Variants in COA5 observed in about 807,000 individuals in gnomAD.
COA5 encodes the protein cytochrome c oxidase assembly factor 5.
COA5 carries 11 observed loss-of-function variants against 11.8 expected under a neutral mutation model. The observed-to-expected ratio is 0.93, with a 90% CI of 0.59 to 1.54. COA5 has a LOEUF of 1.54. Ranked by LOEUF, COA5 falls within the 40% of genes most tolerant of loss-of-function variation. The pLI, the probability that COA5 is intolerant of heterozygous loss-of-function variation, is 0.00. For synonymous variants in COA5, 38 were observed against 37.5 expected (o/e 1.01, Z -0.05); for missense variants, 87 against 89.2 (o/e 0.97, Z 0.10).
chr2:98,606,662 TTC>T (rs1700709390), intron 1 of COA5, among the ~76,000 whole-genome samples: 1 of 152,210 alleles, frequency 6.6e-6, no homozygotes, highest in South Asian at 2.1e-4. Context: ...CAGCTTGGAA[TTC>T]TCTGTGCTGC....
Position 98,606,393 on chromosome 2 carries a change from G to A in COA5, c.99+1914C>T, listed in dbSNP as rs1575225628. On this transcript the variant is annotated intron_variant, in intron 1 of 2. Transcript: ENST00000328709. Reference sequence around the variant, plus strand: ...AATGAATTTAACACAAACTGTATACGAACTTCCATCTAAAGAACTGCTTAT... The same window carrying A: ...AATGAATTTAACACAAACTGTATACAAACTTCCATCTAAAGAACTGCTTAT... Among the ~76,000 whole-genome samples the A allele has an allele frequency of 3.9e-5, 6 of 152,246 alleles. No individual in the cohort carries two copies. The South Asian group carries it at 1.2e-3, about 32-fold the overall frequency.
rs1407208579 is a variant in COA5, at chr2:98,608,291, C to A, written c.99+16G>T. The A allele has an allele frequency of 6.4e-7, 1 of 1,569,922 alleles. No homozygotes were observed. Among genetic ancestry groups the A allele is most frequent in the Non-Finnish European group, 8.6e-7 (1 of 1,156,878 alleles). ...GGACAGGGGTCGTCACCACCGGGAGCGCCCGGCCGCGCTACCTGGACCACA... is the reference window on the plus strand; with the variant it reads ...GGACAGGGGTCGTCACCACCGGGAGAGCCCGGCCGCGCTACCTGGACCACA... On this transcript the variant is annotated intron_variant, in intron 1 of 2. Transcript: ENST00000328709.
rs1406452844 is a variant in COA5 at position 98,604,104 on chromosome 2, T to C, written c.183+4A>G. 2 of 1,610,606 alleles carry C rather than the reference T, an allele frequency of 1.2e-6. No individual in the cohort carries two copies. The highest frequency in any genetic ancestry group is 4.5e-5 in the East Asian group (2 of 44,830). On this transcript the variant is annotated splice_donor_region_variant and intron_variant, in intron 2 of 2. Transcript: ENST00000328709. ...TAGGCTTTTAAAAATCTTTAACCAC[T>C]TACCACTGATCTTTTACACTCAAAA... is the stretch of plus-strand genomic sequence containing the variant.
chr2:98,603,694 C>T (rs565397134), intron 2 of COA5, among the ~76,000 whole-genome samples: 3 of 152,238 alleles, frequency 2.0e-5, no homozygotes, highest in South Asian at 4.1e-4. Context: ...ACAATCCATC[C>T]CTCCAAAATT....
intron 1 of COA5, chr2:98,604,881 T>C (rs539114002): frequency 6.6e-6 from 1 of 152,540 alleles, no homozygotes; most frequent in Admixed American, 6.5e-5. Context: ...TCTACCTCAG[T>C]GACTCTCAAA....
chr2:98,608,185 G>C, intron 1 of COA5, 122 bp downstream of exon 1: 3 of 727,338 alleles, frequency 4.1e-6, no homozygotes, highest in Non-Finnish European at 7.2e-6. Context: ...GTGAGCCCGA[G>C]CTGTGACCTA....
chr2:98,606,947 C>T (rs1700715245), intron 1 of COA5, among the ~76,000 whole-genome samples: 1 of 152,202 alleles, frequency 6.6e-6, no homozygotes, highest in Non-Finnish European at 1.5e-5. Context: ...CCCACAACCA[C>T]AACAGTTCCC....
chr2:98,606,608 C>G lies in COA5; in HGVS notation c.99+1699G>C, dbSNP rs112151333. On this transcript the variant is annotated intron_variant, in intron 1 of 2. Coordinates refer to ENST00000328709, the MANE Select transcript of COA5 (RefSeq NM_001008215.3). ...CAGTATTTGTTCCCTGAACTGGAGC[C>G]TGGCGCTCCGTACATGTTTGCTGTA... is the stretch of plus-strand genomic sequence containing the variant. Among the ~76,000 whole-genome samples the G allele has an allele frequency of 4.9e-3, 753 of 152,322 alleles. 7 individuals are homozygous for G. The highest frequency in any genetic ancestry group is 0.017 in the African/African-American group (720 of 41,576).
rs1468263963 is a variant in COA5, at chr2:98,600,656, A to AGAT, written c.*93_*95dup. The stretch of plus-strand genomic sequence containing the variant: ...GAGGGGAAATCTGGTCCAACCAAAC[A>AGAT]GATGTAGTAAAAAGTATGTTTCCTG... On this transcript the variant is annotated 3_prime_UTR_variant, in exon 3 of 3. Coordinates refer to ENST00000328709, the MANE Select transcript of COA5 (RefSeq NM_001008215.3). The AGAT allele has an allele frequency of 2.8e-6, 3 of 1,053,282 alleles. No individual in the cohort carries two copies. The highest frequency in any genetic ancestry group is 4.3e-6 in the Non-Finnish European group (3 of 691,072). The allele number at this position is 1,053,282 out of a possible 1,614,324, so 65.2% of individuals were successfully genotyped here. A position where few individuals can be genotyped will look rare whatever the true frequency, so the allele number is the denominator to read the frequency against.
At chr2:98,607,299 AG>A (rs1700720056) in intron 1 of COA5, among the ~76,000 whole-genome samples, 1 of 152,238 alleles carries the variant, frequency 6.6e-6, no homozygotes, top group African/African-American at 2.4e-5. Flanking sequence ...AAGGGGCAGA[AG>A]GGACACAGCC....
intron 1 of COA5, 131 bp downstream of exon 1, chr2:98,608,176 T>G (rs942865097): frequency 1.4e-6 from 1 of 702,006 alleles, no homozygotes; most frequent in African/African-American, 1.8e-5. Context: ...GCACGTTCAG[T>G]GAGCCCGAGC....
rs1016086244 is a variant in COA5 at position 98,608,470 on chromosome 2, G to A, written c.-65C>T. ...ACCGCAACACTTGCAACCGGGTCGG[G>A]AGCGAGCGAGGCCCCAGTCTCAGGG... On this transcript the variant is annotated 5_prime_UTR_variant, in exon 1 of 3. Transcript: ENST00000328709. 8 of 1,257,368 alleles carry A rather than the reference G, an allele frequency of 6.4e-6. No individual in the cohort carries two copies. The highest frequency in any genetic ancestry group is 2.5e-5 in the East Asian group (1 of 39,808). The allele number at this position is 1,257,368 out of a possible 1,614,324, so 77.9% of individuals were successfully genotyped here. A position where few individuals can be genotyped will look rare whatever the true frequency, so the allele number is the denominator to read the frequency against.
chr2:98,605,364 G>A (rs1575225325), intron 1 of COA5, among the ~76,000 whole-genome samples: 2 of 152,088 alleles, frequency 1.3e-5, no homozygotes, highest in East Asian at 1.9e-4. Flanking sequence ...AAGGTTGCCG[G>A]GCCTGATGAT....
Position 98,600,584 on chromosome 2 carries a change from TTATAC to T in COA5, c.*163_*167del. The T allele has an allele frequency of 1.5e-6, 1 of 654,252 alleles. No homozygotes were observed. The highest frequency in any genetic ancestry group is 2.8e-6 in the Non-Finnish European group (1 of 363,010). The allele number at this position is 654,252 out of a possible 1,614,324, so 40.5% of individuals were successfully genotyped here. ...ACTTGGATCAAGAGAATCATTTACT[TTATAC>T]ATATTCGAAAACAACTCATCCACTT... On this transcript the variant is annotated 3_prime_UTR_variant, in exon 3 of 3. Coordinates refer to ENST00000328709, the MANE Select transcript of COA5 (RefSeq NM_001008215.3).
rs1236703127 is a variant in COA5, at chr2:98,600,633, G to A, written c.*119C>T. On this transcript the variant is annotated 3_prime_UTR_variant, in exon 3 of 3. Transcript: ENST00000328709. ...TCCACTTTCTTCAGTGTTCCACGGA[G>A]GGGAAATCTGGTCCAACCAAACAGA... 1.2e-6 allele frequency: 1 copy of A among 811,070 alleles called. No homozygotes were observed. The highest frequency in any genetic ancestry group is 1.7e-5 in the African/African-American group (1 of 58,926). 50.2% of individuals were successfully genotyped at this position (811,070 alleles called of 1,614,324 possible). A position where few individuals can be genotyped will look rare whatever the true frequency, so the allele number is the denominator to read the frequency against.
chr2:98,602,777 T>C (rs1700658520), intron 2 of COA5: 1 of 154,276 alleles, frequency 6.5e-6, no homozygotes, highest in South Asian at 2.0e-4. Context: ...GTTAAAAATT[T>C]CTGCTGAAAG....
In COA5 at chr2:98,608,362, G is replaced by C. The variant is rs756729158; in HGVS notation, c.44C>G (p.Ala15Gly). The change falls in exon 1 of 3, where the codon GCG becomes GGG. Residue 15 changes from alanine to glycine, a missense_variant. By Grantham distance (60) the Ala-to-Gly change is moderately conservative. Transcript: ENST00000328709. ...CGCGCCCAGGTCCTCCTTCAGGCCCGCGCACGCGCCGCCCTGCGGCTTGTC... is the reference window on the plus strand; with the variant it reads ...CGCGCCCAGGTCCTCCTTCAGGCCCCCGCACGCGCCGCCCTGCGGCTTGTC... ...YEDKPQGGAC[A>G]GLKEDLGACL... The C allele has an allele frequency of 4.3e-6, 7 of 1,609,682 alleles. No individual in the cohort carries two copies. The highest frequency in any genetic ancestry group is 5.9e-6 in the Non-Finnish European group (7 of 1,178,850).
At position 98,600,069 on chromosome 2, in the gene COA5, T is replaced by C. The variant is rs1700620742; in HGVS notation, c.*683A>G. ...TCTCTCCCTTTTGAATCATGGATAA[T>C]AAGGATGTGGACTTGGAGCTGACAC... On this transcript the variant is annotated 3_prime_UTR_variant, in exon 3 of 3. Coordinates refer to ENST00000328709, the MANE Select transcript of COA5 (RefSeq NM_001008215.3). 6.6e-6 allele frequency: 1 copy of C among 152,298 alleles called. No individual in the cohort carries two copies. The highest frequency in any genetic ancestry group is 2.4e-5 in the African/African-American group (1 of 41,442). The allele number at this position is 152,298 out of a possible 1,614,324, so 9.4% of individuals were successfully genotyped here. A position where few individuals can be genotyped will look rare whatever the true frequency, so the allele number is the denominator to read the frequency against.
chr2:98,600,610 C>T lies in COA5; in HGVS notation c.*142G>A, dbSNP rs1025026144. The T allele has an allele frequency of 3.8e-5, 27 of 706,988 alleles. No individual in the cohort carries two copies. Among genetic ancestry groups the T allele is most frequent in the Admixed American group, 1.5e-4 (7 of 45,530 alleles). 43.8% of individuals were successfully genotyped at this position (706,988 alleles called of 1,614,324 possible). A position where few individuals can be genotyped will look rare whatever the true frequency, so the allele number is the denominator to read the frequency against. ...TATACATATTCGAAAACAACTCATC[C>T]ACTTTCTTCAGTGTTCCACGGAGGG... On this transcript the variant is annotated 3_prime_UTR_variant, in exon 3 of 3. Transcript: ENST00000328709.
Sources: allele counts gnomAD v4.1 joint callset (sites outside exome capture counted in the v4.1 genomes callset), GRCh38; gene constraint gnomAD v4.1.1; transcripts MANE v1.5; gene names NCBI Gene and HGNC (gene_info 2026-07-23, HGNC 2026-07-21).